Variants in NXPE4 observed in about 807,000 individuals in gnomAD.
NXPE4 encodes the protein neurexophilin and PC-esterase domain family member 4, also known as NXPE family member 4.
A neutral mutation model predicts 33.3 loss-of-function variants in NXPE4; 42 were observed. The ratio of observed to expected loss-of-function variants is 1.26; its 90% CI spans 0.98 to 1.63. The LOEUF is 1.63. Among genes scored for constraint, NXPE4 ranks in the 40% most tolerant of loss-of-function variants. The probability of loss-of-function intolerance (pLI) is 0.00; values close to 1 mark genes in which losing one functional copy is unlikely to be tolerated. For missense variants in NXPE4, 709 were observed against 647.6 expected, an observed-to-expected ratio of 1.09 and a Z score of -1.03; for synonymous variants, 253 against 234.9, an observed-to-expected ratio of 1.08 and a Z score of -0.71.
the NXPE4 span, among the ~76,000 whole-genome samples, chr11:114,607,050 G>C: frequency 1.3e-5 from 2 of 151,958 alleles, no homozygotes; most frequent in Admixed American, 1.3e-4. Flanking sequence ...AATAAGTATT[G>C]CCTCGTGGGT....
At chr11:114,622,046 A>C in the NXPE4 span, among the ~76,000 whole-genome samples, 160 of 152,230 alleles carry the variant, frequency 1.1e-3, 1 homozygote, top group Admixed American at 8.4e-3. Flanking sequence ...AGTGGATAAT[A>C]AGTATTCCTT....
At chr11:114,660,088 C>A in the NXPE4 span, among the ~76,000 whole-genome samples, 1 of 152,148 alleles carries the variant, frequency 6.6e-6, no homozygotes, top group East Asian at 1.9e-4. Flanking sequence ...CCAACATTCA[C>A]TTAAGAAAAA....
At chr11:114,603,547 C>T in the NXPE4 span, among the ~76,000 whole-genome samples, 2 of 149,704 alleles carry the variant, frequency 1.3e-5, no homozygotes, top group African/African-American at 4.9e-5. Context: ...ACTCCTGTAA[C>T]TTGGTGGATG....
chr11:114,661,049 T>C, the NXPE4 span, among the ~76,000 whole-genome samples: 2 of 152,154 alleles, frequency 1.3e-5, no homozygotes, highest in African/African-American at 4.8e-5. Flanking sequence ...TGTGTAAATC[T>C]AATGAAATAC....
chr11:114,639,580 G>C, the NXPE4 span, among the ~76,000 whole-genome samples: 1 of 150,174 alleles, frequency 6.7e-6, no homozygotes, highest in Non-Finnish European at 1.5e-5. Context: ...GGGAGCTGTA[G>C]ACTGGAGCTG....
chr11:114,634,638 G>C, the NXPE4 span, among the ~76,000 whole-genome samples: 2 of 151,990 alleles, frequency 1.3e-5, no homozygotes, highest in Non-Finnish European at 2.9e-5. Flanking sequence ...ATTAATTTTT[G>C]TATAAGGTGT....
chr11:114,604,019 G>A, the NXPE4 span, among the ~76,000 whole-genome samples: 4 of 151,922 alleles, frequency 2.6e-5, no homozygotes, highest in South Asian at 2.1e-4. Context: ...CTACCATTAC[G>A]TGGTGGATAA....
the NXPE4 span, among the ~76,000 whole-genome samples, chr11:114,601,821 A>C: frequency 5.3e-5 from 4 of 75,290 alleles, no homozygotes; most frequent in East Asian, 1.7e-3. Context: ...ATAATTATAT[A>C]TAATATATAA....
the NXPE4 span, among the ~76,000 whole-genome samples, chr11:114,612,892 G>A: frequency 5.9e-5 from 9 of 152,028 alleles, no homozygotes; most frequent in East Asian, 3.9e-4. Context: ...GTTGCCTCAC[G>A]GGTAAGCACT....
At chr11:114,628,911 A>T in the NXPE4 span, among the ~76,000 whole-genome samples, 4 of 152,174 alleles carry the variant, frequency 2.6e-5, no homozygotes, top group African/African-American at 9.6e-5. Context: ...CAAATAAACT[A>T]GAGAATCTAG....
At chr11:114,615,428 A>G in the NXPE4 span, among the ~76,000 whole-genome samples, 2 of 146,708 alleles carry the variant, frequency 1.4e-5, no homozygotes, top group African/African-American at 5.1e-5. Context: ...AGAATAAGTA[A>G]TGCCTCATGG....
the NXPE4 span, among the ~76,000 whole-genome samples, chr11:114,613,364 G>T: frequency 6.6e-6 from 1 of 150,538 alleles, no homozygotes; most frequent in Non-Finnish European, 1.5e-5. Flanking sequence ...GGATAACCAC[G>T]GTTACCCTGT....
chr11:114,601,593 T>TTATAATTATATATAATATATAC, the NXPE4 span, among the ~76,000 whole-genome samples: 1 of 1,278 alleles, frequency 7.8e-4, no homozygotes, highest in Non-Finnish European at 2.8e-3. Flanking sequence ...ATTATATATA[T>TTATAATTATATATAATATATAC]TATTTATAAT....
chr11:114,628,054 C>G, the NXPE4 span, among the ~76,000 whole-genome samples: 1 of 150,452 alleles, frequency 6.6e-6, no homozygotes, highest in Non-Finnish European at 1.5e-5. Flanking sequence ...GACTTAGACT[C>G]CCACACGTTA....
chr11:114,581,720 C>G lies in NXPE4; in HGVS notation c.892+5G>C. ...GCACCACCCACCAAACACAGGAGTACTTACTGTTGCATTTGGAGACACTAA... is the reference window on the plus strand; with the variant it reads ...GCACCACCCACCAAACACAGGAGTAGTTACTGTTGCATTTGGAGACACTAA... On this transcript the variant is annotated splice_donor_5th_base_variant and intron_variant, in intron 4 of 5. Transcript: ENST00000375478. 1 of 1,608,342 alleles carries G rather than the reference C, an allele frequency of 6.2e-7. No individual in the cohort carries two copies. Among genetic ancestry groups the G allele is most frequent in the Non-Finnish European group, 8.5e-7 (1 of 1,175,414 alleles).
At chr11:114,651,196 G>A in the NXPE4 span, among the ~76,000 whole-genome samples, 4 of 152,094 alleles carry the variant, frequency 2.6e-5, no homozygotes, top group Non-Finnish European at 5.9e-5. Flanking sequence ...TCGCGGTTGA[G>A]TGTTACAGTT....
the NXPE4 span, among the ~76,000 whole-genome samples, chr11:114,677,144 G>A: frequency 3.9e-5 from 6 of 152,028 alleles, no homozygotes; most frequent in Admixed American, 6.6e-5. Flanking sequence ...GGGGATGTTG[G>A]TCAGAAGACT....
rs186374634 is a variant in NXPE4, at chr11:114,577,255, T to C, written c.1099+2877A>G. 2.9e-3 allele frequency among the ~76,000 whole-genome samples: 445 copies of C among 151,164 alleles called. 3 individuals are homozygous for C. The highest frequency in any genetic ancestry group is 0.01 in the African/African-American group (431 of 41,218). ...TGAAAGAATGGCATGTGCAGCAACC[T>C]GGATGGAATGGGAGGCTATTATTCT... On this transcript the variant is annotated intron_variant, in intron 5 of 5. Coordinates refer to ENST00000375478, the MANE Select transcript of NXPE4 (RefSeq NM_001077639.2).
At position 114,583,882 on chromosome 11, in the gene NXPE4, CTT is replaced by C. The variant is rs1338051298; in HGVS notation, c.97-863_97-862del. ...GAGAGTACTTCCCAGGAGATGGGGACTTATGGGTTATTGGGGCTGGCAAAGGC... is the reference window on the plus strand; with the variant it reads ...GAGAGTACTTCCCAGGAGATGGGGACATGGGTTATTGGGGCTGGCAAAGGC... On this transcript the variant is annotated intron_variant, in intron 2 of 5. Coordinates refer to ENST00000375478, the MANE Select transcript of NXPE4 (RefSeq NM_001077639.2). 3 of 392,584 alleles carry C rather than the reference CTT, an allele frequency of 7.6e-6. No individual in the cohort carries two copies. In the East Asian group the frequency reaches 1.7e-4, roughly 23 times the overall value. 24.3% of individuals were successfully genotyped at this position (392,584 alleles called of 1,614,324 possible). A position where few individuals can be genotyped will look rare whatever the true frequency, so the allele number is the denominator to read the frequency against.
Sources: allele counts gnomAD v4.1 joint callset (sites outside exome capture counted in the v4.1 genomes callset), GRCh38; gene constraint gnomAD v4.1.1; transcripts MANE v1.5; gene names NCBI Gene and HGNC (gene_info 2026-07-23, HGNC 2026-07-21).